RSPH10B2: variants seen among roughly 807,000 people sequenced by gnomAD.
RSPH10B2 encodes radial spoke head 10 homolog B2.
A neutral mutation model predicts 49.0 loss-of-function variants in RSPH10B2; 9 were observed. The observed-to-expected ratio is 0.18, with a 90% CI of 0.11 to 0.32. RSPH10B2 has a LOEUF of 0.32. Ranked by LOEUF, RSPH10B2 falls within the 10% of genes least tolerant of loss-of-function variation. The pLI, the probability that RSPH10B2 is intolerant of heterozygous loss-of-function variation, is 1.00. For missense variants in RSPH10B2, 95 were observed against 589.9 expected, an observed-to-expected ratio of 0.16 and a Z score of 8.69; for synonymous variants, 35 against 210.2, an observed-to-expected ratio of 0.17 and a Z score of 7.21.
intron 13 of RSPH10B2, among the ~76,000 whole-genome samples, chr7:6,781,999 C>T (rs1781956176): frequency 9.0e-6 from 1 of 111,422 alleles, no homozygotes; most frequent in African/African-American, 3.5e-5. Context: ...CTGCAACCTC[C>T]ACCTCCTGGG....
At chr7:6,764,733 TG>T (rs1413065837) in intron 4 of RSPH10B2, among the ~76,000 whole-genome samples, 3 of 151,718 alleles carry the variant, frequency 2.0e-5, no homozygotes, top group Non-Finnish European at 4.4e-5. Flanking sequence ...TGTGTGTGTG[TG>T]TGTGTTTTAC....
At chr7:6,756,108 A>T (rs996359067), upstream of RSPH10B2, among the ~76,000 whole-genome samples, 23 of 149,890 alleles carry the variant, frequency 1.5e-4, no homozygotes, top group Non-Finnish European at 2.4e-4. Flanking sequence ...CTCTACTAAA[A>T]ATACAAAAAG....
exon 12 of RSPH10B2, chr7:6,780,887 A>G (rs778308775): frequency 1.3e-6 from 2 of 1,493,554 alleles, no homozygotes; most frequent in Admixed American, 4.1e-5. Context: ...GCCAGATAAA[A>G]GGTAAATACA....
upstream of RSPH10B2, among the ~76,000 whole-genome samples, chr7:6,752,123 A>C (rs1780900300): frequency 6.6e-6 from 1 of 151,310 alleles, no homozygotes; most frequent in Non-Finnish European, 1.5e-5. Context: ...GCCCTGATTC[A>C]CATTAAATTT....
intron 3 of RSPH10B2, among the ~76,000 whole-genome samples, chr7:6,760,540 A>G (rs1482114540): frequency 9.0e-6 from 1 of 110,498 alleles, no homozygotes. Flanking sequence ...ACATGTATGT[A>G]GCTTGTCCTA....
rs577013827 is a variant in RSPH10B2, at chr7:6,787,083, C to G, written c.2010+62C>G. 3 of 858,586 alleles carry G rather than the reference C, an allele frequency of 3.5e-6. 1 individual carries two copies. Among genetic ancestry groups the G allele is most frequent in the Non-Finnish European group, 5.3e-6 (3 of 569,414 alleles). 53.2% of individuals were successfully genotyped at this position (858,586 alleles called of 1,614,324 possible). ...ATTACAGAGCAAGGAGGGCTGGGCACGGTGGCTCACGCCTGTAATCCCAGC... is the reference window on the plus strand; with the variant it reads ...ATTACAGAGCAAGGAGGGCTGGGCAGGGTGGCTCACGCCTGTAATCCCAGC... On this transcript the variant is annotated intron_variant, in intron 15 of 18. Coordinates refer to ENST00000297186, the Ensembl canonical transcript of RSPH10B2.
chr7:6,781,891 T>C (rs1213612556), intron 13 of RSPH10B2, among the ~76,000 whole-genome samples: 1 of 106,704 alleles, frequency 9.4e-6, no homozygotes, highest in African/African-American at 3.6e-5. Context: ...TATAAATATA[T>C]ATATAATAAA....
At chr7:6,790,989 G>T in intron 16 of RSPH10B2, among the ~76,000 whole-genome samples, 1 of 91,052 alleles carries the variant, frequency 1.1e-5, no homozygotes, top group African/African-American at 5.0e-5. Flanking sequence ...ATGAATCTAA[G>T]TATGGTTAAA....
intron 18 of RSPH10B2, among the ~76,000 whole-genome samples, chr7:6,797,214 G>T (rs1782613728): frequency 7.0e-6 from 1 of 143,642 alleles, no homozygotes; most frequent in South Asian, 2.5e-4. Context: ...TCACCAGGTT[G>T]TCCAGGCTGG....
chr7:6,774,745 C>CTTTTTT, intron 9 of RSPH10B2, among the ~76,000 whole-genome samples: 1 of 91,908 alleles, frequency 1.1e-5, no homozygotes, highest in African/African-American at 3.8e-5. Flanking sequence ...GCTATATTAT[C>CTTTTTT]TTTTTTTTTG....
upstream of RSPH10B2, among the ~76,000 whole-genome samples, chr7:6,752,580 A>AC (rs1375358934): frequency 8.7e-6 from 1 of 115,580 alleles, no homozygotes; most frequent in African/African-American, 4.2e-5. Flanking sequence ...CGTGTCTGGC[A>AC]CTGTGCTGGC....
intron 7 of RSPH10B2, among the ~76,000 whole-genome samples, chr7:6,769,637 G>A (rs1187164779): frequency 8.7e-6 from 1 of 114,964 alleles, no homozygotes; most frequent in Non-Finnish European, 1.8e-5. Flanking sequence ...TGCCCAGGCT[G>A]GAGTGCAGTG....
chr7:6,768,466 G>A (rs1490416281), intron 6 of RSPH10B2, 124 bp from the exon 9 acceptor site: 2 of 148,704 alleles, frequency 1.3e-5, no homozygotes, highest in Non-Finnish European at 1.5e-5. Context: ...AAGTCTGTGT[G>A]ACTCCAGAGT....
Position 6,781,366 on chromosome 7 carries a change from A to G in RSPH10B2, c.1648A>G (p.Met550Val). 4 of 1,274,346 alleles carry G rather than the reference A, an allele frequency of 3.1e-6. 1 individual carries two copies. Among genetic ancestry groups the G allele is most frequent in the South Asian group, 4.0e-5 (2 of 50,548 alleles). 78.9% of individuals were successfully genotyped at this position (1,274,346 alleles called of 1,614,324 possible). A position where few individuals can be genotyped will look rare whatever the true frequency, so the allele number is the denominator to read the frequency against. Reference sequence around the variant, plus strand: ...TGAGCAACAGCGGACGCTCTACTCTATGAGTTACATGAATAAGTGCTGGGA... The same window carrying G: ...TGAGCAACAGCGGACGCTCTACTCTGTGAGTTACATGAATAAGTGCTGGGA... Residue 550 changes from methionine to valine, a missense_variant, in exon 13 of 19, where the codon ATG becomes GTG. By Grantham distance (21) the Met-to-Val change is conservative. Coordinates refer to ENST00000297186, the Ensembl canonical transcript of RSPH10B2.
intron 17 of RSPH10B2, among the ~76,000 whole-genome samples, chr7:6,793,063 ATTTTTTTTT>A (rs778318872): frequency 0.063 from 4,060 of 64,790 alleles, 909 homozygotes; most frequent in South Asian, 0.23. Flanking sequence ...GCCCCTGGGC[ATTTTTTTTT>A]TTTTTTTTTT....
chr7:6,754,502 AT>A (rs1443379407), upstream of RSPH10B2: 10 of 108,592 alleles, frequency 9.2e-5, no homozygotes, highest in Non-Finnish European at 1.9e-5. Context: ...GCCCCTCTAA[AT>A]TTAGAGGTGA....
intron 14 of RSPH10B2, among the ~76,000 whole-genome samples, chr7:6,786,331 C>T (rs1341136316): frequency 3.8e-4 from 42 of 110,026 alleles, no homozygotes; most frequent in Non-Finnish European, 5.3e-4. Context: ...TACAGGCGCC[C>T]GCCACCACGC....
exon 10 of RSPH10B2, chr7:6,776,489 G>T: frequency 1.6e-5 from 1 of 63,120 alleles, no homozygotes; most frequent in Non-Finnish European, 2.5e-5. Context: ...ATTTCTAAAA[G>T]ATTGCAAATT....
chr7:6,785,750 A>T (rs1388672130), intron 13 of RSPH10B2, among the ~76,000 whole-genome samples, 199 bp from the exon 16 acceptor site: 2 of 151,130 alleles, frequency 1.3e-5, no homozygotes, highest in Non-Finnish European at 3.0e-5. Context: ...ACTTGAACCC[A>T]GGAGGTGGAG....
Sources: gnomAD v4.1 joint callset for allele counts (sites outside exome capture counted in the v4.1 genomes callset) on GRCh38, gnomAD v4.1.1 for gene constraint, MANE v1.5 for transcripts, NCBI Gene and HGNC (gene_info 2026-07-23, HGNC 2026-07-21) for gene names.